The following ARHGEF10L variants were observed in gnomAD, a reference collection of about 807,000 sequenced individuals.
The protein encoded by ARHGEF10L is rho guanine nucleotide exchange factor 10-like protein.
Under a neutral mutation model 141.2 loss-of-function variants are expected in ARHGEF10L, and 69 were observed. The ratio of observed to expected loss-of-function variants is 0.49; its 90% CI spans 0.40 to 0.60. ARHGEF10L has a LOEUF of 0.60. Ranked by LOEUF, ARHGEF10L falls within the 20% of genes least tolerant of loss-of-function variation. ARHGEF10L has a pLI of 0.00. For synonymous variants in ARHGEF10L, 711 were observed against 718.5 expected (o/e 0.99, Z 0.17); for missense variants, 1,482 against 1,734.3 (o/e 0.85, Z 2.58).
At chr1:17,610,466 C>T (rs981733437) in intron 7 of ARHGEF10L, among the ~76,000 whole-genome samples, 1 of 152,200 alleles carries the variant, frequency 6.6e-6, no homozygotes, top group African/African-American at 2.4e-5. Context: ...TTTCTCTGGC[C>T]GTGGCCAAGG....
Position 17,656,455 on chromosome 1 carries a change from G to A in ARHGEF10L, c.2706-99G>A, listed in dbSNP as rs958495528. The A allele has an allele frequency of 2.8e-6, 4 of 1,445,274 alleles. No individual in the cohort carries two copies. The highest frequency in any genetic ancestry group is 3.8e-6 in the Non-Finnish European group (4 of 1,061,036). 89.5% of individuals were successfully genotyped at this position (1,445,274 alleles called of 1,614,324 possible). ...CAGCCGAAAGGCGTGGCTGAGAGGG[G>A]TCAGCTCCCTGGGGCCCTCTCCCTA... is the stretch of plus-strand genomic sequence containing the variant. On this transcript the variant is annotated intron_variant, in intron 24 of 28. Coordinates refer to ENST00000361221, the MANE Select transcript of ARHGEF10L (RefSeq NM_018125.4). The surrounding 1 kb of genome is among the most constrained non-coding windows in gnomAD (Gnocchi z 4.9).
chr1:17,560,309 T>G (rs891020789), intron 1 of ARHGEF10L, among the ~76,000 whole-genome samples: 6 of 152,094 alleles, frequency 3.9e-5, no homozygotes, highest in African/African-American at 1.4e-4. Context: ...CAGGAGTGCC[T>G]CCCTGCAAAG....
intron 25 of ARHGEF10L, among the ~76,000 whole-genome samples, chr1:17,663,145 A>G (rs543340626): frequency 2.0e-5 from 3 of 152,270 alleles, no homozygotes; most frequent in African/African-American, 4.8e-5. Context: ...TGCCGGAGAA[A>G]ATGGTTCTTG....
intron 1 of ARHGEF10L, among the ~76,000 whole-genome samples, chr1:17,562,778 G>A (rs547937162): frequency 9.2e-5 from 14 of 152,344 alleles, no homozygotes; most frequent in South Asian, 6.2e-4. Flanking sequence ...CGCAGCCCAT[G>A]TGGTGCCCTG....
chr1:17,555,659 T>A (rs2077277271), intron 1 of ARHGEF10L, among the ~76,000 whole-genome samples: 1 of 152,204 alleles, frequency 6.6e-6, no homozygotes, highest in South Asian at 2.1e-4. Context: ...CTGGCCTGTT[T>A]AAGCTTTTAA....
rs762340934 is a variant in ARHGEF10L at position 17,692,717 on chromosome 1, C to T, written c.3185-2441C>T. 3.9e-5 allele frequency among the ~76,000 whole-genome samples: 6 copies of T among 152,240 alleles called. No homozygotes were observed. The South Asian group carries it at 8.3e-4, about 21-fold the overall frequency. On this transcript the variant is annotated intron_variant, in intron 27 of 28. Transcript: ENST00000361221. ...AGAACGTTCCACTCAAATCACGTCA[C>T]GCTACTCCCCTGCCTAGGCCTTCCG...
At chr1:17,523,711 C>T in the ARHGEF10L span, among the ~76,000 whole-genome samples, 1 of 152,162 alleles carries the variant, frequency 6.6e-6, no homozygotes, top group Admixed American at 6.6e-5. Context: ...TTGGGTTGGG[C>T]TACAGTGGGA....
intron 4 of ARHGEF10L, among the ~76,000 whole-genome samples, chr1:17,601,433 G>A (rs1341514479): frequency 1.3e-5 from 2 of 152,166 alleles, no homozygotes; most frequent in African/African-American, 4.8e-5. Context: ...GTCTTTTGAA[G>A]CTTTGCAAGT....
Position 17,619,500 on chromosome 1 carries a change from G to T in ARHGEF10L, c.942+55G>T. The T allele has an allele frequency of 7.4e-7, 1 of 1,355,618 alleles. No homozygotes were observed. The highest frequency in any genetic ancestry group is 2.5e-5 in the East Asian group (1 of 39,426). 84.0% of individuals were successfully genotyped at this position (1,355,618 alleles called of 1,614,324 possible). On this transcript the variant is annotated intron_variant, in intron 10 of 28. Transcript: ENST00000361221. This position sits in a 1 kb window ranked among gnomAD's most constrained non-coding sequence, Gnocchi z 5.0. ...CTGCAGGGGAAGGGGTGGCTTGGGG[G>T]TTCCAGCCTGTTCTCTGGGGCCACG... is the stretch of plus-strand genomic sequence containing the variant.
rs1419963989 is a variant in ARHGEF10L, at chr1:17,654,780, C to T, written c.2481+58C>T. 5 of 1,501,258 alleles carry T rather than the reference C, an allele frequency of 3.3e-6. No homozygotes were observed. Among genetic ancestry groups the T allele is most frequent in the East Asian group, 2.3e-5 (1 of 44,362 alleles). 93.0% of individuals were successfully genotyped at this position (1,501,258 alleles called of 1,614,324 possible). On this transcript the variant is annotated intron_variant, in intron 23 of 28. Coordinates refer to ENST00000361221, the MANE Select transcript of ARHGEF10L (RefSeq NM_018125.4). The surrounding 1 kb of genome is among the most constrained non-coding windows in gnomAD (Gnocchi z 4.3). ...GGCCTCAGGACAGGAGTAGGGAGAG[C>T]GGCACCTGGGAGGGGGTGCTGGAGA...
rs1466516919 is a variant in ARHGEF10L at position 17,673,716 on chromosome 1, G to A, written c.3009+9121G>A. 6.6e-6 allele frequency among the ~76,000 whole-genome samples: 1 copy of A among 152,184 alleles called. No individual in the cohort carries two copies. The highest frequency in any genetic ancestry group is 1.5e-5 in the Non-Finnish European group (1 of 68,032). ...TCTGAGTGGGCTTGGATGGTGGTCA[G>A]TGTGGGCTCAGGGGCTGGGTTGGCT... On this transcript the variant is annotated intron_variant, in intron 26 of 28. Coordinates refer to ENST00000361221, the MANE Select transcript of ARHGEF10L (RefSeq NM_018125.4). This position sits in a 1 kb window ranked among gnomAD's most constrained non-coding sequence, Gnocchi z 4.1.
intron 25 of ARHGEF10L, among the ~76,000 whole-genome samples, chr1:17,663,847 C>T (rs7538388): frequency 0.013 from 1,959 of 152,234 alleles, 55 homozygotes; most frequent in African/African-American, 0.046. Context: ...AGGGCCAGAC[C>T]CCAAGTCTCC....
At chr1:17,634,418 C>T (rs1303963932) in intron 16 of ARHGEF10L, 130 bp from the exon 17 acceptor site, 47 of 1,490,216 alleles carry the variant, frequency 3.2e-5, no homozygotes, top group Admixed American at 1.5e-4. Context: ...CCTCATTCCC[C>T]GCAGGAGGCT....
At chr1:17,596,808 A>G (rs769403668) in intron 4 of ARHGEF10L, among the ~76,000 whole-genome samples, 4 of 152,180 alleles carry the variant, frequency 2.6e-5, no homozygotes, top group Non-Finnish European at 5.9e-5. Context: ...TGGGAGTACT[A>G]GGCGGATCCG....
At chr1:17,683,790 T>C (rs1229570767) in intron 26 of ARHGEF10L, among the ~76,000 whole-genome samples, 1 of 152,218 alleles carries the variant, frequency 6.6e-6, no homozygotes, top group Non-Finnish European at 1.5e-5. Context: ...GAAATGAGCC[T>C]GGATTTCCAC....
At chr1:17,536,910 C>T (rs2076583723), upstream of ARHGEF10L, among the ~76,000 whole-genome samples, 1 of 151,990 alleles carries the variant, frequency 6.6e-6, no homozygotes. Flanking sequence ...CATGCTGTTG[C>T]CTAGGCTGGG....
intron 26 of ARHGEF10L, among the ~76,000 whole-genome samples, chr1:17,675,741 T>TGG (rs2063626675): frequency 6.9e-6 from 1 of 143,896 alleles, no homozygotes; most frequent in Non-Finnish European, 1.5e-5. Context: ...GGTGCAGGTG[T>TGG]GTTCAGGTGT....
chr1:17,687,234 C>T (rs1473150869), intron 26 of ARHGEF10L, among the ~76,000 whole-genome samples: 3 of 152,186 alleles, frequency 2.0e-5, no homozygotes, highest in Non-Finnish European at 4.4e-5. Context: ...CCTGTCTGCT[C>T]GTGAGTGAGC....
intron 26 of ARHGEF10L, among the ~76,000 whole-genome samples, chr1:17,683,229 G>A (rs1416963999): frequency 9.3e-6 from 1 of 107,192 alleles, no homozygotes; most frequent in East Asian, 2.7e-4. Flanking sequence ...GCTCTCACCC[G>A]GGTGCTCACT....
Sources: allele counts gnomAD v4.1 joint callset (sites outside exome capture counted in the v4.1 genomes callset), GRCh38; gene constraint gnomAD v4.1.1; non-coding constraint Gnocchi (gnomAD v3.1); transcripts MANE v1.5; gene names NCBI Gene and HGNC (gene_info 2026-07-23, HGNC 2026-07-21).